Variants in SMAD6 observed in about 807,000 individuals in gnomAD.
The protein encoded by SMAD6 is SMAD family member 6, also known as MAD homolog 6.
SMAD6 carries 103 observed loss-of-function variants against 39.4 expected under a neutral mutation model. The observed-to-expected ratio is 2.62, with a 90% CI of 2.23 to 3.08. The LOEUF is 3.08. SMAD6 is among the 30% of genes most tolerant of loss of function. The pLI is 0.00. For synonymous variants in SMAD6, 445 were observed against 353.3 expected (o/e 1.26, Z -2.91); for missense variants, 1,104 against 742.9 (o/e 1.49, Z -5.65).
At chr15:66,777,352 C>T (rs1195349420) in intron 3 of SMAD6, among the ~76,000 whole-genome samples, 1 of 152,040 alleles carries the variant, frequency 6.6e-6, no homozygotes, top group African/African-American at 2.4e-5. Flanking sequence ...AATGTCTAGG[C>T]ACTGGGACAT....
At chr15:66,756,587 GT>G (rs2140654290) in intron 3 of SMAD6, among the ~76,000 whole-genome samples, 1 of 152,316 alleles carries the variant, frequency 6.6e-6, no homozygotes, top group East Asian at 1.9e-4. Flanking sequence ...GAAAATATTT[GT>G]TTTCCATCGT....
chr15:66,741,804 G>A (rs1595781774), intron 3 of SMAD6, among the ~76,000 whole-genome samples: 1 of 152,320 alleles, frequency 6.6e-6, no homozygotes, highest in Non-Finnish European at 1.5e-5. Flanking sequence ...AATGCCCCGA[G>A]AGATTCCAAT....
intron 3 of SMAD6, among the ~76,000 whole-genome samples, chr15:66,753,266 A>G (rs893188006): frequency 1.3e-5 from 2 of 152,178 alleles, no homozygotes; most frequent in African/African-American, 4.8e-5. Context: ...GGGTCCTGTA[A>G]GAGGGTGTGC....
intron 3 of SMAD6, among the ~76,000 whole-genome samples, chr15:66,762,905 G>C (rs984742323): frequency 3.3e-5 from 5 of 152,030 alleles, no homozygotes; most frequent in African/African-American, 1.2e-4. Flanking sequence ...TTGGTAGAGG[G>C]AGAGAGAAAA....
chr15:66,712,697 A>C (rs1893255749), intron 2 of SMAD6, among the ~76,000 whole-genome samples: 2 of 151,570 alleles, frequency 1.3e-5, no homozygotes, highest in South Asian at 2.1e-4. Context: ...TCAAAAAAAA[A>C]AAAAAAAAAA....
At chr15:66,769,020 T>C (rs1415547746) in intron 3 of SMAD6, among the ~76,000 whole-genome samples, 2 of 152,150 alleles carry the variant, frequency 1.3e-5, no homozygotes, top group East Asian at 1.9e-4. Context: ...GAGGAAGGCT[T>C]TCCAAAGGAA....
intron 1 of SMAD6, chr15:66,704,661 C>T (rs1893070211): frequency 1.3e-5 from 2 of 152,240 alleles, no homozygotes; most frequent in South Asian, 4.1e-4. Context: ...CCTCTTTATT[C>T]CCCACATAAT....
chr15:66,767,748 C>T (rs1015310940), intron 3 of SMAD6, among the ~76,000 whole-genome samples: 4 of 152,100 alleles, frequency 2.6e-5, no homozygotes, highest in African/African-American at 7.2e-5. Context: ...TAAAGCATTC[C>T]GGTTTGTTCC....
intron 3 of SMAD6, among the ~76,000 whole-genome samples, chr15:66,771,015 A>G (rs1300068201): frequency 2.0e-5 from 3 of 152,172 alleles, no homozygotes. Context: ...GGGAGCTTGT[A>G]CCACAGAGCC....
intron 1 of SMAD6, among the ~76,000 whole-genome samples, chr15:66,709,033 T>TC (rs1893177117): frequency 6.6e-6 from 1 of 152,186 alleles, no homozygotes; most frequent in Non-Finnish European, 1.5e-5. Context: ...GGCAGGTCCT[T>TC]CAGCAAGTGG....
intron 3 of SMAD6, among the ~76,000 whole-genome samples, chr15:66,731,114 A>G (rs888108397): frequency 6.6e-6 from 1 of 152,230 alleles, no homozygotes; most frequent in Non-Finnish European, 1.5e-5. Flanking sequence ...TTGCACAATC[A>G]AGATAGAGAA....
chr15:66,741,140 A>G (rs546792494), intron 3 of SMAD6: 1 of 152,064 alleles, frequency 6.6e-6, no homozygotes, highest in Non-Finnish European at 1.5e-5. Flanking sequence ...ATAAAAAAAA[A>G]ATCTCCATCT....
At chr15:66,743,699 C>T (rs1176610376) in intron 3 of SMAD6, among the ~76,000 whole-genome samples, 2 of 152,064 alleles carry the variant, frequency 1.3e-5, no homozygotes, top group Non-Finnish European at 2.9e-5. Flanking sequence ...TATTATTCTT[C>T]TTAAAATTAT....
chr15:66,762,326 T>C (rs1232426189), intron 3 of SMAD6, among the ~76,000 whole-genome samples: 1 of 152,196 alleles, frequency 6.6e-6, no homozygotes, highest in Non-Finnish European at 1.5e-5. Context: ...AGTAGGCGCT[T>C]AGCAAGCGGG....
chr15:66,737,688 A>G (rs1893737512), intron 3 of SMAD6, among the ~76,000 whole-genome samples: 2 of 151,920 alleles, frequency 1.3e-5, no homozygotes, highest in African/African-American at 4.8e-5. Context: ...AAACAGGTTT[A>G]TAACGACTTT....
intron 3 of SMAD6, among the ~76,000 whole-genome samples, chr15:66,776,177 T>C (rs939125234): frequency 1.3e-5 from 2 of 152,226 alleles, no homozygotes; most frequent in Non-Finnish European, 2.9e-5. Context: ...ACCCCTAACA[T>C]TTGTAAAGTG....
chr15:66,714,661 A>G (rs1220659616), intron 2 of SMAD6, among the ~76,000 whole-genome samples: 2 of 152,208 alleles, frequency 1.3e-5, no homozygotes, highest in African/African-American at 2.4e-5. Flanking sequence ...TGGAGCTCCA[A>G]CTTGCAGATG....
rs756457521 is a variant in SMAD6, at chr15:66,703,743, G to C, written c.485G>C (p.Arg162Pro). 1 of 1,381,688 alleles carries C rather than the reference G, an allele frequency of 7.2e-7. No homozygotes were observed. Among genetic ancestry groups the C allele is most frequent in the Non-Finnish European group, 9.5e-7 (1 of 1,054,702 alleles). The allele number at this position is 1,381,688 out of a possible 1,614,324, so 85.6% of individuals were successfully genotyped here. Residue 162 changes from arginine (R) to proline (P), a missense_variant, in exon 1 of 4, where the codon CGC (arginine) becomes CCC (proline). Transcript: ENST00000288840. Reference protein sequence around the residue: ...PAGGGRSREARSRLLLLEQEL... With the variant: ...PAGGGRSREAPSRLLLLEQEL... ...GGCGGCGGGCGGAGTCGCGAAGCGC[G>C]CTCGCGGCTGCTGCTGCTGGAGCAG...
At chr15:66,732,570 G>A (rs1243004689) in intron 3 of SMAD6, among the ~76,000 whole-genome samples, 1 of 151,946 alleles carries the variant, frequency 6.6e-6, no homozygotes. Flanking sequence ...CTATGTTGCC[G>A]AGGCTGGTCT....
Sources: allele counts gnomAD v4.1 joint callset (sites outside exome capture counted in the v4.1 genomes callset), GRCh38; gene constraint gnomAD v4.1.1; transcripts MANE v1.5; gene names NCBI Gene and HGNC (gene_info 2026-07-23, HGNC 2026-07-21).